HR: variants seen among roughly 807,000 people sequenced by gnomAD.
HR encodes HR lysine demethylase and nuclear receptor corepressor, also known as lysine-specific demethylase hairless.
A neutral mutation model predicts 128.6 loss-of-function variants in HR; 83 were observed. The observed-to-expected ratio is 0.65, with a 90% CI of 0.54 to 0.77. The LOEUF is 0.77. Among genes scored for constraint, HR ranks in the 30% least tolerant of loss-of-function variants. The pLI, the probability that HR is intolerant of heterozygous loss-of-function variation, is 0.00. For missense variants in HR, 1,490 were observed against 1,574.6 expected (o/e 0.95, Z 0.91); for synonymous variants, 681 against 658.2 (o/e 1.03, Z -0.53).
Position 22,121,119 on chromosome 8 carries a change from C to T in HR, c.2313G>A (p.Leu771=). Residue 771 remains leucine, a synonymous_variant, in exon 10 of 19, where the codon TTG becomes TTA. Transcript: ENST00000381418. ...AGGCCATGTGTATTCGCTCATGGCCCAAGCAGAGTTTGACCGCGGTAGAAG... is the reference window on the plus strand; with the variant it reads ...AGGCCATGTGTATTCGCTCATGGCCTAAGCAGAGTTTGACCGCGGTAGAAG... ...LLASTAVKLC[L]GHERIHMAFA... 6.2e-7 allele frequency: 1 copy of T among 1,613,876 alleles called. No homozygotes were observed. The highest frequency in any genetic ancestry group is 8.5e-7 in the Non-Finnish European group (1 of 1,180,026).
At position 22,127,374 on chromosome 8, in the gene HR, G is replaced by A. The variant is rs574234131; in HGVS notation, c.1068C>T (p.Ser356=). 8.6e-5 allele frequency: 138 copies of A among 1,613,364 alleles called. No individual in the cohort carries two copies. In the East Asian group the frequency reaches 2.0e-3, roughly 24 times the overall value. ...EGLEGGASGA[S]EPSEEVNKAS... Reference sequence around the variant, plus strand: ...CCTTGTTCACTTCCTCGCTGGGTTCGCTGGCTCCACTGGCACCCCCCTCCA... The same window carrying A: ...CCTTGTTCACTTCCTCGCTGGGTTCACTGGCTCCACTGGCACCCCCCTCCA... Residue 356 remains serine, a synonymous_variant, in exon 3 of 19, where the codon AGC becomes AGT. Coordinates refer to ENST00000381418, the MANE Select transcript of HR (RefSeq NM_005144.5).
chr8:22,115,882 G>C (rs1379599428), intron 18 of HR, 120 bp from the exon 19 acceptor site: 2 of 1,014,794 alleles, frequency 2.0e-6, no homozygotes, highest in Non-Finnish European at 3.0e-6. Context: ...TGTAATCCCA[G>C]CACTTTGGGA....
In HR at chr8:22,123,823, A is replaced by T. The variant is rs1222604457; in HGVS notation, c.1751-10T>A. 10 of 1,593,734 alleles carry T rather than the reference A, an allele frequency of 6.3e-6. No individual in the cohort carries two copies. In the African/African-American group the frequency reaches 1.3e-4, roughly 21 times the overall value. On this transcript the variant is annotated splice_polypyrimidine_tract_variant and intron_variant, in intron 5 of 18. Coordinates refer to ENST00000381418, the MANE Select transcript of HR (RefSeq NM_005144.5). ...ACGGCTGGCCCTTGGCCTGCTGACCACGGAGAGAACAGGGTCAGAGGGTGA... is the reference window on the plus strand; with the variant it reads ...ACGGCTGGCCCTTGGCCTGCTGACCTCGGAGAGAACAGGGTCAGAGGGTGA...
rs367558699 is a variant in HR, at chr8:22,120,420, C to T, written c.2698G>A (p.Ala900Thr). ...ALGALGGQVQ[A>T]LSPLGPPQPS... is the part of the protein sequence containing the mutation. The stretch of plus-strand genomic sequence containing the variant: ...TGGGGAGGTCCGAGGGGGCTCAGCG[C>T]CTGCACCTGGCCTCCAAGTGCCCCA... The change falls in exon 12 of 19, where the codon GCG (alanine) becomes ACG (threonine). Residue 900 changes from alanine to threonine, a missense_variant. Ala to Thr is a moderately conservative substitution (Grantham distance 58, BLOSUM62 0). This residue lies in a region of HR where 423 missense variants were observed against 495.9 expected (regional missense o/e 0.85). Transcript: ENST00000381418. 55 of 1,613,876 alleles carry T rather than the reference C, an allele frequency of 3.4e-5. 2 individuals are homozygous for T. The Middle Eastern group carries it at 5.0e-4, about 15-fold the overall frequency.
At chr8:22,122,706 A>G in intron 7 of HR, 84 bp downstream of exon 7, 1 of 1,487,230 alleles carries the variant, frequency 6.7e-7, no homozygotes, top group Non-Finnish European at 9.2e-7. Flanking sequence ...AGGGCATGGC[A>G]CTGGGGGGAG....
At position 22,120,177 on chromosome 8, in the gene HR, CAGG is replaced by C; in HGVS notation, c.2777-7_2777-5del. ...CCCTCGTCTGACTTTGGGCGAACTA[CAGG>C]AGGAGACAGAACGGCCATTGGCCTC... On this transcript the variant is annotated splice_region_variant and splice_polypyrimidine_tract_variant and intron_variant, in intron 12 of 18. Transcript: ENST00000381418. 1.3e-6 allele frequency: 2 copies of C among 1,593,342 alleles called. No homozygotes were observed. The highest frequency in any genetic ancestry group is 2.3e-5 in the South Asian group (2 of 88,218).
intron 5 of HR, among the ~76,000 whole-genome samples, chr8:22,124,835 G>C (rs780440788): frequency 2.6e-5 from 4 of 152,182 alleles, no homozygotes; most frequent in Non-Finnish European, 5.9e-5. Flanking sequence ...GGGAGTGGCA[G>C]GAGCTGACAG....
rs1255056483 is a variant in HR, at chr8:22,119,828, T to C, written c.2909A>G (p.Asn970Ser). ...GCCCGGTGGGAGGTAGGAAGCCAGG[T>C]TGAGTTTTCCATGGAGGGCGCAGTA... ...PEYCALHGKL[N>S]LASYLPPGLA... The change falls in exon 14 of 19, where the codon AAC (asparagine) becomes AGC (serine). Residue 970 changes from asparagine to serine, a missense_variant. Transcript: ENST00000381418. The C allele has an allele frequency of 3.1e-6, 5 of 1,613,474 alleles. No homozygotes were observed. The highest frequency in any genetic ancestry group is 1.7e-5 in the Admixed American group (1 of 60,000).
At position 22,125,294 on chromosome 8, in the gene HR, C is replaced by A; in HGVS notation, c.1750+17G>T. 6.4e-7 allele frequency: 1 copy of A among 1,557,430 alleles called. No homozygotes were observed. The highest frequency in any genetic ancestry group is 8.7e-7 in the Non-Finnish European group (1 of 1,151,200). On this transcript the variant is annotated intron_variant, in intron 5 of 18. Coordinates refer to ENST00000381418, the MANE Select transcript of HR (RefSeq NM_005144.5). ...CCCACACAGAGACCCCACGCAGACC[C>A]AGGAGGTCCTGTTCACCTTCCCGCT...
At chr8:22,129,611 C>T (rs532786214) in intron 1 of HR, among the ~76,000 whole-genome samples, 1 of 152,264 alleles carries the variant, frequency 6.6e-6, no homozygotes, top group Non-Finnish European at 1.5e-5. Context: ...AATCATGTCA[C>T]TCCTCTGGGC....
rs371095634 is a variant in HR at position 22,127,761 on chromosome 8, C to T, written c.681G>A (p.Gly227=). The T allele has an allele frequency of 6.2e-7, 1 of 1,601,588 alleles. No individual in the cohort carries two copies. The highest frequency in any genetic ancestry group is 8.5e-7 in the Non-Finnish European group (1 of 1,179,972). Residue 227 remains glycine, a synonymous_variant, in exon 3 of 19, where the codon GGG becomes GGA. Transcript: ENST00000381418. ...GCCCACCAGAGTTTAAGCCAAACAA[C>T]CCAGGTTCCGCAGCTGCCAAGGGCT... ...AKEPLAAAEP[G]LFGLNSGGHL... is the part of the protein sequence containing the mutation.
At chr8:22,128,332 G>C (rs937343519) in intron 2 of HR, 1 of 627,154 alleles carries the variant, frequency 1.6e-6, no homozygotes. Context: ...CAATGGGTGA[G>C]TCAGTGGCTG....
chr8:22,123,617 T>TCC, intron 6 of HR, 32 bp downstream of exon 6: 11 of 292,092 alleles, frequency 3.8e-5, no homozygotes, highest in Non-Finnish European at 5.0e-5. Flanking sequence ...GAGGGCTCCA[T>TCC]CCCGCCCTCC....
At chr8:22,123,553 GC>G in intron 6 of HR, 95 bp downstream of exon 6, 1 of 1,249,762 alleles carries the variant, frequency 8.0e-7, no homozygotes, top group Non-Finnish European at 1.1e-6. Flanking sequence ...TGGGTAGGGG[GC>G]TTTTTGGGGA....
rs772017800 is a variant in HR, at chr8:22,128,619, G to A, written c.552C>T (p.His184=). The A allele has an allele frequency of 1.2e-6, 2 of 1,605,318 alleles. No individual in the cohort carries two copies. The highest frequency in any genetic ancestry group is 2.7e-5 in the African/African-American group (2 of 74,920). ...GCTGGCCCCCGGAGTATACCCAGGG[G>A]TGCGGGGTCAGGGGCCAGTCACATG... ...EHPCDWPLTP[H]PWVYSGGQPK... is the part of the protein sequence containing the mutation. Residue 184 remains histidine (H), a synonymous_variant, in exon 2 of 19, where the codon CAC becomes CAT. Coordinates refer to ENST00000381418, the MANE Select transcript of HR (RefSeq NM_005144.5).
Position 22,127,410 on chromosome 8 carries a change from G to C in HR, c.1032C>G (p.Cys344Trp), listed in dbSNP as rs1190321159. The change falls in exon 3 of 19, where the codon TGC becomes TGG. Residue 344 changes from cysteine to tryptophan, a missense_variant. This residue lies in a region of HR where 1,060 missense variants were observed against 1,060.9 expected (regional missense o/e 1.00). Coordinates refer to ENST00000381418, the MANE Select transcript of HR (RefSeq NM_005144.5). ...TGGCACCCCCCTCCAGGCCCTCCTG[G>C]CACTTCCCACAAGGGCCAAGACCCC... ...KGGGLGPCGK[C>W]QEGLEGGASG... The C allele has an allele frequency of 6.2e-7, 1 of 1,613,238 alleles. No individual in the cohort carries two copies. Among genetic ancestry groups the C allele is most frequent in the Admixed American group, 1.7e-5 (1 of 60,012 alleles).
intron 9 of HR, 23 bp from the exon 10 acceptor site, chr8:22,121,251 G>A: frequency 6.2e-7 from 1 of 1,611,950 alleles, no homozygotes; most frequent in Non-Finnish European, 8.5e-7. Context: ...AAGATGGTGG[G>A]GGGCTTCGCG....
chr8:22,123,867 G>A (rs1323688176), intron 5 of HR, 54 bp from the exon 6 acceptor site: 7 of 1,551,268 alleles, frequency 4.5e-6, no homozygotes, highest in Non-Finnish European at 6.1e-6. Context: ...GGCCCCAATG[G>A]AAGGCTTCAC....
chr8:22,127,798 C>A lies in HR; in HGVS notation c.644G>T (p.Arg215Met), dbSNP rs201771190. The change falls in exon 3 of 19, where the codon AGG becomes ATG. Residue 215 changes from arginine (R) to methionine (M), a missense_variant. Arg to Met is a moderately conservative substitution (Grantham distance 91, BLOSUM62 -1). Coordinates refer to ENST00000381418, the MANE Select transcript of HR (RefSeq NM_005144.5). ...AGCTGCCAAGGGCTCCTTTGCCAACCTGGGAATGCTCGGATCCTTGTAGTA... is the reference window on the plus strand; with the variant it reads ...AGCTGCCAAGGGCTCCTTTGCCAACATGGGAATGCTCGGATCCTTGTAGTA... ...GFYYKDPSIP[R>M]LAKEPLAAAE... is the part of the protein sequence containing the mutation. 1.3e-6 allele frequency: 2 copies of A among 1,598,944 alleles called. No homozygotes were observed. Among genetic ancestry groups the A allele is most frequent in the Non-Finnish European group, 8.5e-7 (1 of 1,179,966 alleles).
Sources: allele counts gnomAD v4.1 joint callset (sites outside exome capture counted in the v4.1 genomes callset), GRCh38; gene constraint gnomAD v4.1.1; regional missense constraint gnomAD v4.1.1; transcripts MANE v1.5; gene names NCBI Gene and HGNC (gene_info 2026-07-23, HGNC 2026-07-21).